Variants in TMEM135 observed in about 807,000 individuals in gnomAD.
TMEM135 encodes the protein peroxisomal membrane protein 52.
TMEM135 carries 30 observed loss-of-function variants against 60.3 expected under a neutral mutation model. That is an observed-to-expected ratio of 0.50 (90% CI 0.37 to 0.68). The LOEUF is 0.68. Among genes scored for constraint, TMEM135 ranks in the 30% least tolerant of loss-of-function variants. TMEM135 has a pLI of 0.00. For synonymous variants in TMEM135, 190 were observed against 186.7 expected (o/e 1.02, Z -0.14); for missense variants, 468 against 548.8 (o/e 0.85, Z 1.47).
At chr11:87,202,352 G>T (rs1013652301) in intron 5 of TMEM135, among the ~76,000 whole-genome samples, 1 of 152,026 alleles carries the variant, frequency 6.6e-6, no homozygotes, top group African/African-American at 2.4e-5. Flanking sequence ...TTGAGACAAG[G>T]TCTGGCTCCA....
At chr11:87,113,633 C>T (rs1375273767) in intron 4 of TMEM135, among the ~76,000 whole-genome samples, 4 of 151,970 alleles carry the variant, frequency 2.6e-5, no homozygotes, top group Non-Finnish European at 5.9e-5. Context: ...CTATAACAGA[C>T]CTAAATTTTG....
intron 6 of TMEM135, among the ~76,000 whole-genome samples, chr11:87,240,168 C>A (rs901981458): frequency 2.0e-5 from 3 of 151,998 alleles, no homozygotes; most frequent in Non-Finnish European, 4.4e-5. Flanking sequence ...CTCTTGATAC[C>A]CATACATGCT....
At chr11:87,149,695 C>T (rs1411741364) in intron 4 of TMEM135, among the ~76,000 whole-genome samples, 5 of 152,164 alleles carry the variant, frequency 3.3e-5, no homozygotes, top group African/African-American at 1.2e-4. Context: ...TACCAATTTT[C>T]TCTCAACTAT....
At chr11:87,052,902 T>G (rs1376065398) in intron 1 of TMEM135, among the ~76,000 whole-genome samples, 1 of 87,194 alleles carries the variant, frequency 1.1e-5, no homozygotes, top group Non-Finnish European at 2.2e-5. Context: ...TAGCAAAGAC[T>G]TGGAACCAAC....
chr11:87,057,271 G>A (rs548819894), intron 1 of TMEM135, among the ~76,000 whole-genome samples: 5 of 152,286 alleles, frequency 3.3e-5, no homozygotes, highest in Non-Finnish European at 5.9e-5. Flanking sequence ...GGTAAGGTAT[G>A]TAAGGCTTAA....
rs1037862174 is a variant in TMEM135 at position 87,189,234 on chromosome 11, C to G, written c.462+31828C>G. ...GGAGTACAGTGGTGTGATCTCGGCTCACTGCAACCTCTGCTTCCCGGGTTC... is the reference window on the plus strand; with the variant it reads ...GGAGTACAGTGGTGTGATCTCGGCTGACTGCAACCTCTGCTTCCCGGGTTC... On this transcript the variant is annotated intron_variant, in intron 5 of 14. Transcript: ENST00000305494. 2.8e-5 allele frequency among the ~76,000 whole-genome samples: 4 copies of G among 143,846 alleles called. 1 individual carries two copies. The East Asian group carries it at 8.1e-4, about 29-fold the overall frequency. 94.4% of individuals were successfully genotyped at this position (143,846 alleles called of 152,430 possible).
intron 4 of TMEM135, among the ~76,000 whole-genome samples, chr11:87,110,631 G>A (rs1857718492): frequency 6.6e-6 from 1 of 152,122 alleles, no homozygotes; most frequent in Non-Finnish European, 1.5e-5. Context: ...ATTAAACCTA[G>A]CATTTCTACA....
chr11:87,167,935 G>A (rs1003804975), intron 5 of TMEM135, among the ~76,000 whole-genome samples: 2 of 152,048 alleles, frequency 1.3e-5, no homozygotes, highest in African/African-American at 2.4e-5. Flanking sequence ...AATCTGTCAG[G>A]TCCTGGGCTT....
At chr11:87,152,363 G>A (rs1161899771) in intron 4 of TMEM135, among the ~76,000 whole-genome samples, 1 of 152,044 alleles carries the variant, frequency 6.6e-6, no homozygotes, top group African/African-American at 2.4e-5. Flanking sequence ...TAATGTAATG[G>A]CTTTTCTTCA....
intron 5 of TMEM135, among the ~76,000 whole-genome samples, chr11:87,162,288 G>T (rs915033073): frequency 6.6e-6 from 1 of 151,744 alleles, no homozygotes; most frequent in Non-Finnish European, 1.5e-5. Context: ...TTGTTGCATA[G>T]GTATACACGT....
At chr11:87,110,543 A>G (rs1309809854) in intron 4 of TMEM135, among the ~76,000 whole-genome samples, 1 of 152,196 alleles carries the variant, frequency 6.6e-6, no homozygotes, top group Non-Finnish European at 1.5e-5. Flanking sequence ...TCATCTGTCA[A>G]ATGGAATAAT....
At chr11:87,087,712 A>G (rs1857126030) in intron 3 of TMEM135, among the ~76,000 whole-genome samples, 1 of 151,894 alleles carries the variant, frequency 6.6e-6, no homozygotes, top group South Asian at 2.1e-4. Context: ...CTCTGATGGA[A>G]TTCTATTCCA....
rs12421602 is a variant in TMEM135, at chr11:87,279,920, C to A, written c.510-15862C>A. Among the ~76,000 whole-genome samples, 880 of 152,178 alleles carry A rather than the reference C, an allele frequency of 5.8e-3. 36 individuals are homozygous for A. Among genetic ancestry groups the A allele is most frequent in the Admixed American group, 0.049 (756 of 15,280 alleles). On this transcript the variant is annotated intron_variant, in intron 6 of 14. Transcript: ENST00000305494. ...GAGTGAATAGTGATAAATAAGCAGA[C>A]CTTTATTATGTGGAGGCATCAAGAT...
At chr11:87,121,920 G>A (rs564837428) in intron 4 of TMEM135, among the ~76,000 whole-genome samples, 8 of 152,174 alleles carry the variant, frequency 5.3e-5, no homozygotes, top group Middle Eastern at 3.2e-3. Context: ...GATTATAGGC[G>A]TAAGCCACTG....
At chr11:87,191,462 C>T (rs1036754372) in intron 5 of TMEM135, among the ~76,000 whole-genome samples, 2 of 152,012 alleles carry the variant, frequency 1.3e-5, no homozygotes, top group African/African-American at 4.8e-5. Context: ...AGGATGGTTT[C>T]GATCTCTTGA....
chr11:87,141,328 A>G (rs1297191596), intron 4 of TMEM135, among the ~76,000 whole-genome samples: 2 of 152,054 alleles, frequency 1.3e-5, no homozygotes, highest in Non-Finnish European at 2.9e-5. Context: ...CTAAATGTTT[A>G]ATATATTTGT....
Position 87,182,470 on chromosome 11 carries a change from A to G in TMEM135, c.462+25064A>G, listed in dbSNP as rs560953533. On this transcript the variant is annotated intron_variant, in intron 5 of 14. Transcript: ENST00000305494. ...ACTAAGGTGCTGTGAGTGGTAGATG[A>G]TGAGAAATATGTGTTTGTGAGCAGA... 4.6e-4 allele frequency among the ~76,000 whole-genome samples: 70 copies of G among 152,254 alleles called. No individual in the cohort carries two copies. The South Asian group carries it at 7.7e-3, about 17-fold the overall frequency.
At chr11:87,066,459 A>C (rs1001715431) in intron 1 of TMEM135, among the ~76,000 whole-genome samples, 1 of 152,126 alleles carries the variant, frequency 6.6e-6, no homozygotes, top group Non-Finnish European at 1.5e-5. Flanking sequence ...ATTATGATTT[A>C]TATTGCTTTA....
chr11:87,073,416 C>T lies in TMEM135; in HGVS notation c.362+1801C>T, dbSNP rs80317998. 2.1e-3 allele frequency among the ~76,000 whole-genome samples: 316 copies of T among 152,212 alleles called. 1 individual carries two copies. The highest frequency in any genetic ancestry group is 7.4e-3 in the African/African-American group (309 of 41,516). On this transcript the variant is annotated intron_variant, in intron 3 of 14. Coordinates refer to ENST00000305494, the MANE Select transcript of TMEM135 (RefSeq NM_022918.4). ...CTCTGTTTGATTATATCAATGACTA[C>T]AATACTTAAACTTTTGGATTATTAG...
Sources: gnomAD v4.1 joint callset for allele counts (sites outside exome capture counted in the v4.1 genomes callset) on GRCh38, gnomAD v4.1.1 for gene constraint, MANE v1.5 for transcripts, NCBI Gene and HGNC (gene_info 2026-07-23, HGNC 2026-07-21) for gene names.